Variants in WWC2 observed in about 807,000 individuals in gnomAD.
WWC2 encodes WW and C2 domain containing 2.
In WWC2, 101 loss-of-function variants were observed where a neutral mutation model predicts 138.5. The ratio of observed to expected loss-of-function variants is 0.73; its 90% CI spans 0.62 to 0.86. WWC2 has a LOEUF of 0.86. Among genes scored for constraint, WWC2 ranks in the 40% least tolerant of loss-of-function variants. WWC2 has a pLI of 0.00. For synonymous variants in WWC2, 558 were observed against 538.4 expected (o/e 1.04, Z -0.50); for missense variants, 1,420 against 1,419.4 (o/e 1.00, Z -0.01).
chr4:183,320,038 C>T lies in WWC2; in HGVS notation c.*4309C>T, dbSNP rs2111142349. 3.1e-6 allele frequency: 5 copies of T among 1,614,044 alleles called. No individual in the cohort carries two copies. Among genetic ancestry groups the T allele is most frequent in the Middle Eastern group, 1.6e-4 (1 of 6,062 alleles). On this transcript the variant is annotated 3_prime_UTR_variant, in exon 23 of 23. Transcript: ENST00000403733. ...GAGTCAAAGTCCTTGCATTGCATCC[C>T]CACTTCCTCTTGGATGACACAGGTT...
intron 5 of WWC2, among the ~76,000 whole-genome samples, chr4:183,241,437 C>G (rs1209739347): frequency 5.3e-5 from 8 of 152,324 alleles, no homozygotes; most frequent in African/African-American, 1.7e-4. Context: ...TCTTGACCAC[C>G]AGTCAGACGC....
intron 20 of WWC2, among the ~76,000 whole-genome samples, chr4:183,288,858 C>G (rs561867547): frequency 6.2e-4 from 95 of 152,306 alleles, no homozygotes; most frequent in African/African-American, 2.2e-3. Flanking sequence ...CAGCTGTATT[C>G]AGGCTGACTG....
At chr4:183,218,513 A>G (rs1050440881) in intron 4 of WWC2, among the ~76,000 whole-genome samples, 19 of 152,234 alleles carry the variant, frequency 1.2e-4, no homozygotes, top group Admixed American at 5.9e-4. Context: ...ATTTTGATAC[A>G]TATCTTCTAA....
intron 21 of WWC2, among the ~76,000 whole-genome samples, chr4:183,306,648 TCCTGAGTAGCTGGGATTATAGGCG>T (rs146077962): frequency 0.089 from 13,584 of 151,802 alleles, 731 homozygotes; most frequent in South Asian, 0.16. Context: ...TACCTCAACC[TCCTGAGTAGCTGGGATTATAGGCG>T]CACGCCACCA....
intron 4 of WWC2, among the ~76,000 whole-genome samples, chr4:183,230,912 C>A (rs1178736260): frequency 6.6e-6 from 1 of 152,018 alleles, no homozygotes; most frequent in Non-Finnish European, 1.5e-5. Flanking sequence ...TGACTAAATT[C>A]GTATTGAAAT....
intron 1 of WWC2, among the ~76,000 whole-genome samples, chr4:183,180,498 T>C (rs1303342025): frequency 6.6e-6 from 1 of 151,462 alleles, no homozygotes; most frequent in Non-Finnish European, 1.5e-5. Flanking sequence ...TTTTATTTTA[T>C]TTATTTTTTG....
rs1560900345 is a variant in WWC2, at chr4:183,312,431, C to T, written c.3475C>T (p.Gln1159Ter). 4.3e-6 allele frequency: 7 copies of T among 1,613,788 alleles called. No homozygotes were observed. The highest frequency in any genetic ancestry group is 4.2e-6 in the Non-Finnish European group (5 of 1,179,746). Reference protein sequence around the residue: ...VSKDVCRLREQSQKVPRQVQS... With the variant: ...VSKDVCRLRE The stretch of plus-strand genomic sequence containing the variant: ...CAAGGACGTGTGTCGGCTCCGGGAG[C>T]AGAGCCAGAAGGTGCCTCGGCAGGT... Residue 1159 changes from glutamine to a stop codon, truncating the protein, a stop_gained, in exon 22 of 23, where the codon CAG becomes TAG. Transcript: ENST00000403733. LOFTEE classifies it high-confidence loss of function.
intron 1 of WWC2, among the ~76,000 whole-genome samples, chr4:183,139,969 C>T (rs949821656): frequency 2.6e-5 from 4 of 152,118 alleles, no homozygotes; most frequent in African/African-American, 9.7e-5. Flanking sequence ...CACACCTCGA[C>T]GCCCGGCCAA....
intron 6 of WWC2, 94 bp from the exon 7 acceptor site, chr4:183,248,620 T>G: frequency 8.8e-5 from 114 of 1,295,162 alleles, no homozygotes; most frequent in Non-Finnish European, 1.1e-4. Flanking sequence ...TTTTTTCCAT[T>G]GAGATTAGCT....
chr4:183,194,635 G>A (rs1243859120), intron 2 of WWC2, among the ~76,000 whole-genome samples: 1 of 152,118 alleles, frequency 6.6e-6, no homozygotes, highest in Non-Finnish European at 1.5e-5. Flanking sequence ...TCACTCATTA[G>A]TGATGGCTTG....
At chr4:183,147,850 T>G (rs1733507459) in intron 1 of WWC2, among the ~76,000 whole-genome samples, 1 of 152,210 alleles carries the variant, frequency 6.6e-6, no homozygotes, top group Admixed American at 6.5e-5. Flanking sequence ...TAAAACATGT[T>G]TTTCTCTGGT....
intron 4 of WWC2, among the ~76,000 whole-genome samples, chr4:183,218,050 A>T (rs985283573): frequency 6.6e-6 from 1 of 152,196 alleles, no homozygotes; most frequent in Non-Finnish European, 1.5e-5. Context: ...GAATTACAAC[A>T]GACTCCTCAT....
intron 1 of WWC2, among the ~76,000 whole-genome samples, chr4:183,133,162 T>G (rs1732993416): frequency 6.9e-6 from 1 of 145,692 alleles, no homozygotes; most frequent in Non-Finnish European, 1.5e-5. Flanking sequence ...CTTTTTTTTT[T>G]TTTTTTGACC....
At chr4:183,141,361 A>G (rs1046434679) in intron 1 of WWC2, among the ~76,000 whole-genome samples, 4 of 152,132 alleles carry the variant, frequency 2.6e-5, no homozygotes, top group Admixed American at 6.5e-5. Context: ...TTATAAGAAC[A>G]TCAATTCTAT....
intron 1 of WWC2, among the ~76,000 whole-genome samples, chr4:183,128,756 C>G (rs538798791): frequency 8.5e-5 from 13 of 152,172 alleles, no homozygotes; most frequent in Non-Finnish European, 1.6e-4. Flanking sequence ...ATGAATGTAC[C>G]TCTGTCCTTG....
chr4:183,124,009 A>G (rs1409982535), intron 1 of WWC2, among the ~76,000 whole-genome samples: 1 of 152,198 alleles, frequency 6.6e-6, no homozygotes, highest in Non-Finnish European at 1.5e-5. Flanking sequence ...GTTTTGGAAC[A>G]GTTTAAGTAT....
At chr4:183,271,318 A>G in intron 16 of WWC2, 77 bp downstream of exon 16, 1 of 1,219,892 alleles carries the variant, frequency 8.2e-7, no homozygotes, top group Non-Finnish European at 1.1e-6. Context: ...GTAATATGAA[A>G]TATGGAATGC....
At chr4:183,165,242 T>A (rs1468789954) in intron 1 of WWC2, among the ~76,000 whole-genome samples, 1 of 152,140 alleles carries the variant, frequency 6.6e-6, no homozygotes, top group Non-Finnish European at 1.5e-5. Context: ...GACACATTCA[T>A]GTCAGGGCTT....
chr4:183,117,720 T>G (rs1732459917), intron 1 of WWC2, among the ~76,000 whole-genome samples: 1 of 151,518 alleles, frequency 6.6e-6, no homozygotes, highest in African/African-American at 2.4e-5. Context: ...TCCTCCTGCC[T>G]CAGCCTCCCA....
Sources: gnomAD v4.1 joint callset for allele counts (sites outside exome capture counted in the v4.1 genomes callset) on GRCh38, gnomAD v4.1.1 for gene constraint, MANE v1.5 for transcripts, NCBI Gene and HGNC (gene_info 2026-07-23, HGNC 2026-07-21) for gene names.